The following CLIP1 variants were observed in gnomAD, a reference collection of about 807,000 sequenced individuals.
CLIP1 encodes the protein CAP-Gly domain-containing linker protein 1.
A neutral mutation model predicts 161.6 loss-of-function variants in CLIP1; 66 were observed. The observed-to-expected ratio is 0.41, with a 90% confidence interval of 0.33 to 0.50. The LOEUF is 0.50. CLIP1 is among the 20% of genes least tolerant of loss of function. CLIP1 has a pLI of 0.27. For missense variants in CLIP1, 1,376 were observed against 1,702.0 expected, an observed-to-expected ratio of 0.81 and a Z score of 3.37; for synonymous variants, 598 against 626.2, an observed-to-expected ratio of 0.96 and a Z score of 0.67.
At chr12:122,274,226 G>A (rs1566064268) in intron 24 of CLIP1, 64 bp from the exon 25 acceptor site, 3 of 1,438,974 alleles carry the variant, frequency 2.1e-6, no homozygotes, top group Non-Finnish European at 2.9e-6. Flanking sequence ...GCATCAAGAA[G>A]TCATGAAGTT....
chr12:122,345,066 T>G (rs1242308349), intron 10 of CLIP1, among the ~76,000 whole-genome samples: 2 of 152,084 alleles, frequency 1.3e-5, no homozygotes, highest in Middle Eastern at 3.2e-3. Flanking sequence ...TAAAAAAATA[T>G]ATTACTTCAA....
At chr12:122,386,604 T>C (rs1242102532) in intron 1 of CLIP1, among the ~76,000 whole-genome samples, 1 of 152,200 alleles carries the variant, frequency 6.6e-6, no homozygotes, top group Non-Finnish European at 1.5e-5. Context: ...AGTGTCTTTT[T>C]GGCATTTCTC....
At chr12:122,363,945 C>A (rs1468449572) in intron 4 of CLIP1, 38 bp downstream of exon 4, 1 of 1,613,216 alleles carries the variant, frequency 6.2e-7, no homozygotes, top group Non-Finnish European at 8.5e-7. Context: ...TCGTCACGTA[C>A]AAGAGTGACA....
intron 19 of CLIP1, 91 bp from the exon 20 acceptor site, chr12:122,309,973 A>G: frequency 6.9e-7 from 1 of 1,443,698 alleles, no homozygotes; most frequent in Non-Finnish European, 9.6e-7. Context: ...TGAAGAAAAT[A>G]TATCTGGGTC....
chr12:122,287,536 G>A (rs1473633448), intron 21 of CLIP1, among the ~76,000 whole-genome samples: 1 of 152,166 alleles, frequency 6.6e-6, no homozygotes, highest in Non-Finnish European at 1.5e-5. Context: ...GACAGGCTGT[G>A]GTTCTCGGCA....
chr12:122,404,944 G>A (rs1956277092), intron 1 of CLIP1, among the ~76,000 whole-genome samples: 1 of 150,468 alleles, frequency 6.6e-6, no homozygotes, highest in African/African-American at 2.4e-5. Flanking sequence ...GGTGCCATGT[G>A]TTCACACTTC....
Position 122,406,313 on chromosome 12 carries a change from G to T in CLIP1, c.-107+16208C>A, listed in dbSNP as rs1239217983. On this transcript the variant is annotated intron_variant, in intron 1 of 25. Transcript: ENST00000620786. ...ATACAAAAATTAGCCAGGCGTGGTG[G>T]TGCGTGCCTGTGGTCCCACAGAGTG... Among the ~76,000 whole-genome samples, 3 of 152,144 alleles carry T rather than the reference G, an allele frequency of 2.0e-5. No individual in the cohort carries two copies. In the East Asian group the frequency reaches 5.8e-4, roughly 29 times the overall value.
intron 4 of CLIP1, among the ~76,000 whole-genome samples, chr12:122,361,965 T>C (rs1267782465): frequency 6.6e-6 from 1 of 152,100 alleles, no homozygotes; most frequent in East Asian, 1.9e-4. Flanking sequence ...ATAATTTTTT[T>C]TTTTTTGAGA....
Position 122,311,715 on chromosome 12 carries a change from G to A in CLIP1, c.3474-1833C>T, listed in dbSNP as rs58226649. ...TGGGATTACAGGCATGAGCCACCGC[G>A]CCCGGCCAAAATTATTGTTTTAAAA... On this transcript the variant is annotated intron_variant, in intron 19 of 25. Coordinates refer to ENST00000620786, the MANE Select transcript of CLIP1 (RefSeq NM_001247997.2). This position sits in a 1 kb window ranked among gnomAD's most constrained non-coding sequence, Gnocchi z 4.3. 0.1 allele frequency among the ~76,000 whole-genome samples: 15,367 copies of A among 152,152 alleles called. 2,518 individuals are homozygous for A. The highest frequency in any genetic ancestry group is 0.35 in the African/African-American group (14,404 of 41,468).
intron 21 of CLIP1, among the ~76,000 whole-genome samples, chr12:122,281,634 A>G (rs941290844): frequency 6.6e-6 from 1 of 151,946 alleles, no homozygotes; most frequent in South Asian, 2.1e-4. Context: ...GGATGGCTTG[A>G]GCCCAGGAGC....
chr12:122,387,570 A>G (rs1356859633), intron 1 of CLIP1, among the ~76,000 whole-genome samples: 1,355 of 9,304 alleles, frequency 0.15, 139 homozygotes, highest in Non-Finnish European at 0.29. Flanking sequence ...ATATATATAT[A>G]TATATATATA....
Position 122,398,424 on chromosome 12 carries a change from T to TAA in CLIP1, c.-106-17868_-106-17867dup, listed in dbSNP as rs375091505. On this transcript the variant is annotated intron_variant, in intron 1 of 25. Coordinates refer to ENST00000620786, the MANE Select transcript of CLIP1 (RefSeq NM_001247997.2). ...TGGGCGACAGAATGAGACTCCACCTTAAAAAAAAAAAAAAAATTAATTTTA... is the reference window on the plus strand; with the variant it reads ...TGGGCGACAGAATGAGACTCCACCTTAAAAAAAAAAAAAAAAAATTAATTTTA... Among the ~76,000 whole-genome samples, 1,234 of 135,924 alleles carry TAA rather than the reference T, an allele frequency of 9.1e-3. 5 individuals are homozygous for TAA. Among genetic ancestry groups the TAA allele is most frequent in the Middle Eastern group, 0.034 (9 of 268 alleles). 89.2% of individuals were successfully genotyped at this position (135,924 alleles called of 152,430 possible).
intron 1 of CLIP1, among the ~76,000 whole-genome samples, chr12:122,416,912 A>G (rs1956775477): frequency 6.6e-6 from 1 of 151,694 alleles, no homozygotes; most frequent in Admixed American, 6.6e-5. Flanking sequence ...AAAAATAATT[A>G]TAACAATAAC....
chr12:122,293,002 C>CAAAAAAAAAAAAAAAAAAAA (rs57326141), intron 20 of CLIP1, among the ~76,000 whole-genome samples: 4 of 43,578 alleles, frequency 9.2e-5, no homozygotes, highest in South Asian at 6.5e-4. Flanking sequence ...GACTCTGTCT[C>CAAAAAAAAAAAAAAAAAAAA]AAAAAAAAAA....
intron 1 of CLIP1, among the ~76,000 whole-genome samples, chr12:122,409,222 T>G (rs1956439517): frequency 6.6e-6 from 1 of 151,796 alleles, no homozygotes; most frequent in Non-Finnish European, 1.5e-5. Flanking sequence ...GCCACCCAGG[T>G]TCAAGCGATT....
chr12:122,402,657 T>A (rs1380564168), intron 1 of CLIP1, among the ~76,000 whole-genome samples: 1 of 151,950 alleles, frequency 6.6e-6, no homozygotes, highest in Non-Finnish European at 1.5e-5. Flanking sequence ...GCACCTATAA[T>A]CCCACCTACT....
Position 122,341,160 on chromosome 12 carries a change from C to T in CLIP1, c.2044G>A (p.Asp682Asn), listed in dbSNP as rs1213656787. The change falls in exon 11 of 26, where the codon GAC becomes AAC. Residue 682 changes from aspartate (D) to asparagine (N), a missense_variant. Physicochemically the swap from Asp to Asn is conservative, Grantham distance 23. Coordinates refer to ENST00000620786, the MANE Select transcript of CLIP1 (RefSeq NM_001247997.2). ...HEIENLQNQQDSERAAHAKEM... is the reference protein window; with the variant it reads ...HEIENLQNQQNSERAAHAKEM... ...TTAGCATGGGCAGCCCGTTCAGAGT[C>T]TTGTTGATTCTGCAAATTTTCTATT... 1 of 1,614,044 alleles carries T rather than the reference C, an allele frequency of 6.2e-7. No homozygotes were observed. Among genetic ancestry groups the T allele is most frequent in the Non-Finnish European group, 8.5e-7 (1 of 1,180,050 alleles).
At chr12:122,408,747 C>T (rs1222035711) in intron 1 of CLIP1, among the ~76,000 whole-genome samples, 1 of 152,060 alleles carries the variant, frequency 6.6e-6, no homozygotes, top group Non-Finnish European at 1.5e-5. Flanking sequence ...GAATTAAAGG[C>T]ATGAGCCACT....
At chr12:122,291,152 C>T (rs1566082062) in intron 20 of CLIP1, among the ~76,000 whole-genome samples, 2 of 151,002 alleles carry the variant, frequency 1.3e-5, no homozygotes, top group Non-Finnish European at 2.9e-5. Context: ...CTCAGCCACC[C>T]GAAGTGTTGG....
Sources: gnomAD v4.1 joint callset for allele counts (sites outside exome capture counted in the v4.1 genomes callset) on GRCh38, gnomAD v4.1.1 for gene constraint, Gnocchi (gnomAD v3.1) non-coding constraint, MANE v1.5 for transcripts, NCBI Gene and HGNC (gene_info 2026-07-23, HGNC 2026-07-21) for gene names.